Variants in DAGLA observed in about 807,000 individuals in gnomAD.
DAGLA encodes diacylglycerol lipase-alpha.
DAGLA carries 22 observed loss-of-function variants against 102.6 expected under a neutral mutation model. The ratio of observed to expected loss-of-function variants is 0.21; its 90% confidence interval spans 0.15 to 0.31. The LOEUF (loss-of-function observed/expected upper bound fraction) is 0.31, where lower values mean the gene tolerates loss of function less well. Ranked by LOEUF, DAGLA falls within the 10% of genes least tolerant of loss-of-function variation. DAGLA has a pLI of 1.00. For missense variants in DAGLA, 927 were observed against 1,446.6 expected, an observed-to-expected ratio of 0.64 and a Z score of 5.83; for synonymous variants, 578 against 628.9, an observed-to-expected ratio of 0.92 and a Z score of 1.21.
chr11:61,726,969 C>T (rs2065332375), intron 6 of DAGLA, among the ~76,000 whole-genome samples: 2 of 152,226 alleles, frequency 1.3e-5, no homozygotes, highest in Admixed American at 6.5e-5. Context: ...GCAGGCCATG[C>T]AGAGGGCAGA....
intron 1 of DAGLA, among the ~76,000 whole-genome samples, chr11:61,691,904 A>C (rs990977006): frequency 6.6e-6 from 1 of 152,134 alleles, no homozygotes; most frequent in East Asian, 1.9e-4. Flanking sequence ...GAGTGTTAGG[A>C]GGTGACATGA....
chr11:61,737,360 G>C (rs760840517), intron 14 of DAGLA, 36 bp downstream of exon 14: 4 of 1,605,294 alleles, frequency 2.5e-6, no homozygotes, highest in Non-Finnish European at 3.4e-6. Flanking sequence ...GGCTGGGGCA[G>C]TTGGGACCAG....
At chr11:61,724,081 C>T (rs572510056) in intron 5 of DAGLA, among the ~76,000 whole-genome samples, 13 of 152,200 alleles carry the variant, frequency 8.5e-5, no homozygotes, top group Admixed American at 1.3e-4. Context: ...TTAGAGTCCT[C>T]GCTTAACTAG....
At chr11:61,731,556 CT>C in intron 9 of DAGLA, 115 bp downstream of exon 9, 1 of 1,363,240 alleles carries the variant, frequency 7.3e-7, no homozygotes, top group Non-Finnish European at 1.0e-6. Context: ...TTTTCTACAC[CT>C]TCTCTGGGCC....
intron 1 of DAGLA, among the ~76,000 whole-genome samples, chr11:61,697,992 G>A (rs2065080211): frequency 6.6e-6 from 1 of 152,250 alleles, no homozygotes; most frequent in South Asian, 2.1e-4. Flanking sequence ...GAAGTTCCCA[G>A]TACCAGGTCT....
chr11:61,683,455 T>C (rs2064961335), intron 1 of DAGLA, among the ~76,000 whole-genome samples: 1 of 152,218 alleles, frequency 6.6e-6, no homozygotes, highest in Admixed American at 6.5e-5. Context: ...CTTCAGCTCA[T>C]GTCTGGAAAG....
At chr11:61,696,785 T>G (rs1591027179) in intron 1 of DAGLA, among the ~76,000 whole-genome samples, 1 of 151,984 alleles carries the variant, frequency 6.6e-6, no homozygotes, top group East Asian at 1.9e-4. Flanking sequence ...GTCAGTGGGG[T>G]GGAGGTGTTG....
At chr11:61,681,842 G>A (rs2064944897) in intron 1 of DAGLA, among the ~76,000 whole-genome samples, 2 of 152,180 alleles carry the variant, frequency 1.3e-5, no homozygotes, top group African/African-American at 4.8e-5. Context: ...TTTGGGTGAA[G>A]GTCTCACTCA....
At chr11:61,701,546 C>T (rs1002086571) in intron 1 of DAGLA, among the ~76,000 whole-genome samples, 2 of 152,184 alleles carry the variant, frequency 1.3e-5, no homozygotes, top group Admixed American at 1.3e-4. Context: ...CGCGCAGGGG[C>T]CCAAGGCTCT....
chr11:61,727,840 G>A (rs2065342197), intron 6 of DAGLA, among the ~76,000 whole-genome samples: 1 of 152,196 alleles, frequency 6.6e-6, no homozygotes, highest in African/African-American at 2.4e-5. Context: ...TCTAGCGTCT[G>A]GGAAAGCAAA....
intron 1 of DAGLA, among the ~76,000 whole-genome samples, chr11:61,700,202 G>A (rs2065098692): frequency 6.6e-6 from 1 of 152,226 alleles, no homozygotes; most frequent in Non-Finnish European, 1.5e-5. Context: ...TTGTGGGGGT[G>A]ACGGGATGCA....
At chr11:61,713,032 T>C (rs1168041177) in intron 1 of DAGLA, among the ~76,000 whole-genome samples, 2 of 152,030 alleles carry the variant, frequency 1.3e-5, no homozygotes, top group African/African-American at 4.8e-5. Context: ...AGGCTGGAGG[T>C]GGATGACACA....
In DAGLA at chr11:61,743,803, C is replaced by A; in HGVS notation, c.2443C>A (p.Arg815Ser). The A allele has an allele frequency of 6.2e-7, 1 of 1,612,550 alleles. No individual in the cohort carries two copies. Among genetic ancestry groups the A allele is most frequent in the Non-Finnish European group, 8.5e-7 (1 of 1,179,938 alleles). The change falls in exon 20 of 20, where the codon CGT becomes AGT. Residue 815 changes from arginine to serine, a missense_variant. Transcript: ENST00000257215. ...CCCCAGCCTCCACGCTGTGCTGGAGCGTGATGAAGGCCACCTCTTCTACAT... is the reference window on the plus strand; with the variant it reads ...CCCCAGCCTCCACGCTGTGCTGGAGAGTGATGAAGGCCACCTCTTCTACAT... ...GSPSLHAVLE[R>S]DEGHLFYIDP...
rs535588043 is a variant in DAGLA, at chr11:61,734,756, G to A, written c.975-93G>A. Reference sequence around the variant, plus strand: ...TTTGGTAGAGGCAGTGGGGCTGAATGCCCAACTGGAACTGGTTCCAGGGAC... The same window carrying A: ...TTTGGTAGAGGCAGTGGGGCTGAATACCCAACTGGAACTGGTTCCAGGGAC... On this transcript the variant is annotated intron_variant, in intron 9 of 19. Coordinates refer to ENST00000257215, the MANE Select transcript of DAGLA (RefSeq NM_006133.3). The surrounding 1 kb of genome is among the most constrained non-coding windows in gnomAD (Gnocchi z 4.2). 1.5e-6 allele frequency: 2 copies of A among 1,312,820 alleles called. No homozygotes were observed. The highest frequency in any genetic ancestry group is 4.7e-5 in the East Asian group (2 of 42,704). The allele number at this position is 1,312,820 out of a possible 1,614,324, so 81.3% of individuals were successfully genotyped here.
intron 1 of DAGLA, among the ~76,000 whole-genome samples, chr11:61,705,505 C>T (rs1222663266): frequency 6.6e-6 from 1 of 152,232 alleles, no homozygotes; most frequent in Non-Finnish European, 1.5e-5. Context: ...TTCCGCTCTG[C>T]TCTCTCCTGT....
intron 1 of DAGLA, among the ~76,000 whole-genome samples, chr11:61,708,871 G>C (rs551098604): frequency 6.6e-6 from 1 of 152,146 alleles, no homozygotes; most frequent in Non-Finnish European, 1.5e-5. Context: ...TCCTCCACCC[G>C]GCAGCAGGGG....
chr11:61,735,814 A>G lies in DAGLA; in HGVS notation c.1288A>G (p.Lys430Glu). The G allele has an allele frequency of 6.2e-7, 1 of 1,609,052 alleles. No individual in the cohort carries two copies. ...GCACCACGGCACCTGGCTGGGCCAC[A>G]AGGTAACCCACGTCATGGACCCCAG... ...EGHHGTWLGH[K>E]GMVLSAEYIK... is the part of the protein sequence containing the mutation. Residue 430 changes from lysine (K) to glutamate (E), a missense_variant and splice_region_variant, in exon 12 of 20, where the codon AAG becomes GAG. This residue lies in a region of DAGLA where 218 missense variants were observed against 459.6 expected (regional missense o/e 0.47). Transcript: ENST00000257215.
In DAGLA at chr11:61,743,575, GGGCGGCTGCTGTCGCCAGTGGTTGCGGC is replaced by G; in HGVS notation, c.2222_2249del (p.Leu741ProfsTer85). ...GATGAGCCTGGAGGGCTTCTCGGAG[GGGCGGCTGCTGTCGCCAGTGGTTGCGGC>G]GGCGGCCCGCCAGGACCCGGTGGAG... On this transcript the variant is annotated frameshift_variant, in exon 20 of 20. Coordinates refer to ENST00000257215, the MANE Select transcript of DAGLA (RefSeq NM_006133.3). LOFTEE classifies it high-confidence loss of function. 2 of 1,552,548 alleles carry G rather than the reference GGGCGGCTGCTGTCGCCAGTGGTTGCGGC, an allele frequency of 1.3e-6. No individual in the cohort carries two copies. Among genetic ancestry groups the G allele is most frequent in the Non-Finnish European group, 1.7e-6 (2 of 1,155,894 alleles).
intron 1 of DAGLA, among the ~76,000 whole-genome samples, chr11:61,719,846 C>T (rs1225034303): frequency 6.6e-6 from 1 of 152,046 alleles, no homozygotes; most frequent in Non-Finnish European, 1.5e-5. Flanking sequence ...GCTGGGGTAA[C>T]CCCAGGTAGA....
Sources: gnomAD v4.1 joint callset for allele counts (sites outside exome capture counted in the v4.1 genomes callset) on GRCh38, gnomAD v4.1.1 for gene constraint, gnomAD v4.1.1 regional missense constraint, Gnocchi (gnomAD v3.1) non-coding constraint, MANE v1.5 for transcripts, NCBI Gene and HGNC (gene_info 2026-07-23, HGNC 2026-07-21) for gene names.